Variants in SYTL3 observed in about 807,000 individuals in gnomAD.
SYTL3 encodes the protein synaptotagmin-like protein 3.
A neutral mutation model predicts 82.1 loss-of-function variants in SYTL3; 88 were observed. The observed-to-expected ratio is 1.07, with a 90% CI of 0.90 to 1.28. SYTL3 has a LOEUF of 1.28. SYTL3 is among the 50% of genes most tolerant of loss of function. The pLI, the probability that SYTL3 is intolerant of heterozygous loss-of-function variation, is 0.00. For missense variants in SYTL3, 831 were observed against 757.6 expected (o/e 1.10, Z -1.14); for synonymous variants, 311 against 289.4 (o/e 1.07, Z -0.76).
chr6:158,675,172 T>C (rs1235144391), intron 5 of SYTL3, among the ~76,000 whole-genome samples: 2 of 152,172 alleles, frequency 1.3e-5, no homozygotes, highest in Non-Finnish European at 2.9e-5. Flanking sequence ...GATGCCCCCC[T>C]GCGGAGGGGA....
intron 9 of SYTL3, among the ~76,000 whole-genome samples, chr6:158,715,599 T>TCACACA (rs72372107): frequency 0.024 from 2,786 of 116,476 alleles, 138 homozygotes; most frequent in African/African-American, 0.094. Context: ...TGAAACCGCA[T>TCACACA]CACACACACA....
chr6:158,728,338 TAAAAAAAAAAA>T (rs1784982552), intron 11 of SYTL3, among the ~76,000 whole-genome samples: 1 of 147,308 alleles, frequency 6.8e-6, no homozygotes, highest in Non-Finnish European at 1.5e-5. Flanking sequence ...TACCACTTGT[TAAAAAAAAAAA>T]GAAAAAAAAA....
At chr6:158,763,556 C>T in intron 17 of SYTL3, 47 bp downstream of exon 17, 3 of 1,517,206 alleles carry the variant, frequency 2.0e-6, no homozygotes, top group Non-Finnish European at 2.7e-6. Flanking sequence ...TGTGATTATC[C>T]TAATGGGTAC....
At position 158,718,286 on chromosome 6, in the gene SYTL3, C is replaced by T; in HGVS notation, c.720+75C>T. 2.3e-6 allele frequency: 3 copies of T among 1,314,490 alleles called. No individual in the cohort carries two copies. The South Asian group carries it at 6.4e-5, about 28-fold the overall frequency. The allele number at this position is 1,314,490 out of a possible 1,614,324, so 81.4% of individuals were successfully genotyped here. A position where few individuals can be genotyped will look rare whatever the true frequency, so the allele number is the denominator to read the frequency against. Reference sequence around the variant, plus strand: ...TCCAGAACTTTCTAGCCTGCCTTCTCTGTAGATTTATGTTTTCTTTGGTTT... The same window carrying T: ...TCCAGAACTTTCTAGCCTGCCTTCTTTGTAGATTTATGTTTTCTTTGGTTT... On this transcript the variant is annotated intron_variant, in intron 10 of 17. Transcript: ENST00000611299.
At chr6:158,719,779 T>A (rs1783854627) in intron 10 of SYTL3, among the ~76,000 whole-genome samples, 2 of 152,216 alleles carry the variant, frequency 1.3e-5, no homozygotes, top group South Asian at 4.1e-4. Context: ...AATACCGTGG[T>A]AGACATTGTT....
chr6:158,662,564 A>C lies in SYTL3; in HGVS notation c.-519-186A>C, dbSNP rs186458059. On this transcript the variant is annotated intron_variant, in intron 3 of 17. Transcript: ENST00000611299. Reference sequence around the variant, plus strand: ...TATGGAATCCATATTAGGAAAATTCAAGTTTGGAAGTTTGAGGCTTTTAGA... The same window carrying C: ...TATGGAATCCATATTAGGAAAATTCCAGTTTGGAAGTTTGAGGCTTTTAGA... Among the ~76,000 whole-genome samples, 91 of 152,312 alleles carry C rather than the reference A, an allele frequency of 6.0e-4. No individual in the cohort carries two copies. In the East Asian group the frequency reaches 0.014, roughly 23 times the overall value.
In SYTL3 at chr6:158,708,870, G is replaced by T. The variant is rs73593027; in HGVS notation, c.516+479G>T. ...ACCTGGGTTTCCCACCTGAGAGGTG[G>T]AAATAATTATACAGGTGCTGCTTGA... On this transcript the variant is annotated intron_variant, in intron 8 of 17. Coordinates refer to ENST00000611299, the MANE Select transcript of SYTL3 (RefSeq NM_001242394.2). 6.4e-3 allele frequency among the ~76,000 whole-genome samples: 982 copies of T among 152,294 alleles called. 8 individuals carry two copies. Among genetic ancestry groups the T allele is most frequent in the African/African-American group, 0.022 (922 of 41,544 alleles).
chr6:158,697,589 TAAC>T, intron 6 of SYTL3, among the ~76,000 whole-genome samples: 1 of 152,216 alleles, frequency 6.6e-6, no homozygotes. Flanking sequence ...AGGACACTAT[TAAC>T]AAAATAAAAA....
At chr6:158,671,112 A>T (rs1777331626) in intron 5 of SYTL3, among the ~76,000 whole-genome samples, 1 of 152,004 alleles carries the variant, frequency 6.6e-6, no homozygotes, top group African/African-American at 2.4e-5. Context: ...CCTATGGAGT[A>T]CTTTTTAGAA....
chr6:158,693,212 CAT>C (rs1418438007), intron 6 of SYTL3, among the ~76,000 whole-genome samples: 1 of 152,194 alleles, frequency 6.6e-6, no homozygotes, highest in Non-Finnish European at 1.5e-5. Context: ...AAAAATTTTA[CAT>C]AGACTTTTGT....
At chr6:158,734,408 A>G (rs1375074884) in intron 11 of SYTL3, among the ~76,000 whole-genome samples, 2 of 151,990 alleles carry the variant, frequency 1.3e-5, no homozygotes, top group Non-Finnish European at 2.9e-5. Context: ...GATCCACCCC[A>G]TGACAGCCGG....
intron 11 of SYTL3, among the ~76,000 whole-genome samples, chr6:158,744,368 G>T (rs1787348392): frequency 6.9e-6 from 1 of 145,168 alleles, no homozygotes; most frequent in Admixed American, 7.0e-5. Flanking sequence ...GTGCAGTGGG[G>T]CACTTTCCAC....
intron 13 of SYTL3, among the ~76,000 whole-genome samples, chr6:158,755,200 G>T (rs554653653): frequency 6.3e-4 from 96 of 152,238 alleles, no homozygotes; most frequent in South Asian, 1.7e-3. Flanking sequence ...AAGATTAGCC[G>T]GGCATGGCGA....
chr6:158,652,531 G>A (rs1405877435), intron 2 of SYTL3, among the ~76,000 whole-genome samples: 1 of 151,288 alleles, frequency 6.6e-6, no homozygotes, highest in Admixed American at 6.6e-5. Context: ...TTACAAGCGT[G>A]AGCCACCACG....
At chr6:158,653,510 A>G (rs79699974) in intron 2 of SYTL3, among the ~76,000 whole-genome samples, 2 of 138,318 alleles carry the variant, frequency 1.4e-5, no homozygotes, top group African/African-American at 2.5e-5. Flanking sequence ...CGTCTCAGAG[A>G]AAAAAAAAAA....
chr6:158,744,701 T>G (rs1787393195), intron 11 of SYTL3, among the ~76,000 whole-genome samples: 1 of 152,180 alleles, frequency 6.6e-6, no homozygotes, highest in South Asian at 2.1e-4. Flanking sequence ...AGAAATCAGT[T>G]AGGCTTGTCT....
At chr6:158,688,358 A>G (rs1472732917) in intron 6 of SYTL3, among the ~76,000 whole-genome samples, 1 of 152,220 alleles carries the variant, frequency 6.6e-6, no homozygotes, top group Non-Finnish European at 1.5e-5. Flanking sequence ...ACCCTCTGGG[A>G]GTGTGTGCTT....
At chr6:158,707,321 G>A (rs1461866708) in intron 7 of SYTL3, 40 bp downstream of exon 7, 43 of 1,604,008 alleles carry the variant, frequency 2.7e-5, no homozygotes, top group Non-Finnish European at 3.3e-5. Flanking sequence ...GGCCCTCCGG[G>A]GCAGGAGCGC....
intron 8 of SYTL3, 38 bp downstream of exon 8, chr6:158,708,429 CA>C (rs1782361742): frequency 1.3e-6 from 2 of 1,585,298 alleles, no homozygotes; most frequent in African/African-American, 1.4e-5. Flanking sequence ...TAGTAGGGGT[CA>C]GGGGATAGAA....
Sources: gnomAD v4.1 joint callset for allele counts (sites outside exome capture counted in the v4.1 genomes callset) on GRCh38, gnomAD v4.1.1 for gene constraint, MANE v1.5 for transcripts, NCBI Gene and HGNC (gene_info 2026-07-23, HGNC 2026-07-21) for gene names.